RGL1: variants seen among roughly 807,000 people sequenced by gnomAD.
The protein encoded by RGL1 is ral guanine nucleotide dissociation stimulator-like 1.
In RGL1, 24 loss-of-function variants were observed where a neutral mutation model predicts 95.2. The ratio of observed to expected loss-of-function variants is 0.25; its 90% confidence interval spans 0.18 to 0.35. The LOEUF is 0.35. Ranked by LOEUF, RGL1 falls within the 10% of genes least tolerant of loss-of-function variation. The pLI is 1.00. For missense variants in RGL1, 715 were observed against 936.3 expected (o/e 0.76, Z 3.08); for synonymous variants, 329 against 344.9 (o/e 0.95, Z 0.51).
intron 3 of RGL1, among the ~76,000 whole-genome samples, chr1:183,850,811 C>A (rs961232837): frequency 6.6e-6 from 1 of 152,114 alleles, no homozygotes. Context: ...TGTTGGCAGG[C>A]AGTATGAATT....
At chr1:183,636,313 T>C (rs1357218386) in exon 1 of RGL1, 2 of 396,240 alleles carry the variant, frequency 5.0e-6, no homozygotes, top group East Asian at 7.2e-5. Context: ...ATCGTTCTAA[T>C]TGCCGGAGAC....
rs1246567486 is a variant in RGL1 at position 183,805,305 on chromosome 1, T to C, written c.8T>C (p.Leu3Ser). The change falls in exon 1 of 18, where the codon TTG (leucine) becomes TCG (serine). Residue 3 changes from leucine to serine, a missense_variant. Leu to Ser is a moderately radical substitution (Grantham distance 145, BLOSUM62 -2). Transcript: ENST00000360851. The part of the protein sequence containing the change: MK[L>S]LWQAKMSSIQ... Reference sequence around the variant, plus strand: ...CCGGAGAGAAAACTGAGAATGAAATTGCTTTGGCAAGCTAAAATGGTAACG... The same window carrying C: ...CCGGAGAGAAAACTGAGAATGAAATCGCTTTGGCAAGCTAAAATGGTAACG... 6.2e-7 allele frequency: 1 copy of C among 1,611,992 alleles called. No individual in the cohort carries two copies. The highest frequency in any genetic ancestry group is 8.5e-7 in the Non-Finnish European group (1 of 1,179,614).
chr1:183,684,473 C>T (rs1473287483), intron 1 of RGL1, among the ~76,000 whole-genome samples: 1 of 152,208 alleles, frequency 6.6e-6, no homozygotes, highest in East Asian at 1.9e-4. Flanking sequence ...CGACTCCAGA[C>T]TGCTGTGCTG....
chr1:183,887,138 C>T (rs1046755613), intron 7 of RGL1, among the ~76,000 whole-genome samples: 2 of 63,766 alleles, frequency 3.1e-5, no homozygotes, highest in Non-Finnish European at 6.8e-5. Context: ...CAGAACATTT[C>T]TCTTGTTCTC....
chr1:183,770,353 C>T (rs1213636803), intron 2 of RGL1, among the ~76,000 whole-genome samples: 2 of 152,044 alleles, frequency 1.3e-5, no homozygotes, highest in African/African-American at 4.8e-5. Context: ...GACTGAAACC[C>T]ATCTCTGGCC....
At position 183,912,101 on chromosome 1, in the gene RGL1, A is replaced by C. The variant is rs756704886; in HGVS notation, c.1582A>C (p.Met528Leu). 5 of 1,613,906 alleles carry C rather than the reference A, an allele frequency of 3.1e-6. No homozygotes were observed. The Admixed American group carries it at 6.7e-5, about 22-fold the overall frequency. ...RLSLLFLGSD[M>L]ITSPTPTKEQ... ...TTCCAGACTGTTTCTAGGGTCTGACATGATCACCAGTCCCACTCCCACCAA... is the reference window on the plus strand; with the variant it reads ...TTCCAGACTGTTTCTAGGGTCTGACCTGATCACCAGTCCCACTCCCACCAA... The change falls in exon 15 of 18, where the codon ATG (methionine) becomes CTG (leucine). Residue 528 changes from methionine to leucine, a missense_variant. Physicochemically the swap from Met to Leu is conservative, Grantham distance 15 (BLOSUM62 2). Around this residue, in one of 3 missense-constraint regions of RGL1, gnomAD observed 330 missense variants for 429.6 expected, o/e 0.77. Coordinates refer to ENST00000360851, the MANE Select transcript of RGL1 (RefSeq NM_001297671.3).
intron 1 of RGL1, among the ~76,000 whole-genome samples, chr1:183,715,433 C>T (rs987830759): frequency 5.3e-5 from 8 of 152,102 alleles, no homozygotes; most frequent in African/African-American, 1.7e-4. Context: ...GATTTTCACA[C>T]GTCTGTCTCC....
chr1:183,824,760 T>C (rs1662735507), intron 2 of RGL1, among the ~76,000 whole-genome samples: 1 of 152,224 alleles, frequency 6.6e-6, no homozygotes, highest in African/African-American at 2.4e-5. Context: ...CCTTGATCTC[T>C]TTAGGTGCTT....
intron 3 of RGL1, among the ~76,000 whole-genome samples, chr1:183,850,666 T>TA (rs1424343975): frequency 6.6e-6 from 1 of 152,212 alleles, no homozygotes; most frequent in Admixed American, 6.5e-5. Flanking sequence ...GCCTGGAATA[T>TA]AAACTTGGAT....
At chr1:183,835,139 T>C (rs1663549937) in intron 2 of RGL1, among the ~76,000 whole-genome samples, 1 of 151,608 alleles carries the variant, frequency 6.6e-6, no homozygotes, top group African/African-American at 2.4e-5. Context: ...GTAAACAAAA[T>C]GTTTGCTTTC....
At chr1:183,799,134 C>G (rs1021164086) in intron 2 of RGL1, among the ~76,000 whole-genome samples, 17 of 151,794 alleles carry the variant, frequency 1.1e-4, no homozygotes, top group African/African-American at 4.1e-4. Context: ...GATCTCCCAA[C>G]CTCGTGATCT....
At chr1:183,874,784 A>G (rs537424560) in intron 4 of RGL1, among the ~76,000 whole-genome samples, 2 of 152,336 alleles carry the variant, frequency 1.3e-5, no homozygotes, top group South Asian at 4.1e-4. Flanking sequence ...AAAGCTTTGT[A>G]TCTTTCTTTG....
chr1:183,646,246 C>T (rs1374716281), intron 1 of RGL1, among the ~76,000 whole-genome samples: 5 of 152,098 alleles, frequency 3.3e-5, no homozygotes, highest in Admixed American at 1.3e-4. Flanking sequence ...CCAGTAATTC[C>T]ATTAAAATTT....
At chr1:183,774,026 C>T (rs1659450346) in intron 2 of RGL1, among the ~76,000 whole-genome samples, 1 of 152,014 alleles carries the variant, frequency 6.6e-6, no homozygotes, top group Non-Finnish European at 1.5e-5. Flanking sequence ...GTTCAAACTG[C>T]TGACAGTATT....
intron 1 of RGL1, among the ~76,000 whole-genome samples, chr1:183,703,440 A>T (rs1391057442): frequency 3.9e-5 from 6 of 152,192 alleles, no homozygotes; most frequent in Non-Finnish European, 5.9e-5. Context: ...GAGCCCAGTG[A>T]TGAAGATTAC....
chr1:183,884,706 T>C lies in RGL1; in HGVS notation c.736-17T>C, dbSNP rs779533126. 1 of 1,610,518 alleles carries C rather than the reference T, an allele frequency of 6.2e-7. No homozygotes were observed. Among genetic ancestry groups the C allele is most frequent in the Admixed American group, 1.7e-5 (1 of 59,996 alleles). On this transcript the variant is annotated splice_polypyrimidine_tract_variant and intron_variant, in intron 6 of 17. Transcript: ENST00000360851. ...ATGTCTGTGTTGTCCTTAAAGTCAGTTCCTCTTTTGTTCCAGCAACTCTTC... is the reference window on the plus strand; with the variant it reads ...ATGTCTGTGTTGTCCTTAAAGTCAGCTCCTCTTTTGTTCCAGCAACTCTTC...
At chr1:183,728,774 G>A (rs957475912) in intron 1 of RGL1, among the ~76,000 whole-genome samples, 1 of 152,110 alleles carries the variant, frequency 6.6e-6, no homozygotes, top group Non-Finnish European at 1.5e-5. Context: ...GTGTGTTATT[G>A]GCATAGTTTT....
intron 2 of RGL1, among the ~76,000 whole-genome samples, chr1:183,775,577 A>C (rs1659548659): frequency 6.6e-6 from 1 of 152,224 alleles, no homozygotes; most frequent in African/African-American, 2.4e-5. Flanking sequence ...TTTTGGATGT[A>C]AACAATTTAG....
At chr1:183,747,297 C>G (rs2102272019) in intron 2 of RGL1, among the ~76,000 whole-genome samples, 1 of 152,318 alleles carries the variant, frequency 6.6e-6, no homozygotes, top group Middle Eastern at 3.4e-3. Context: ...TCCTGTTTCT[C>G]CACATCCTCT....
Sources: gnomAD v4.1 joint callset for allele counts (sites outside exome capture counted in the v4.1 genomes callset) on GRCh38, gnomAD v4.1.1 for gene constraint, gnomAD v4.1.1 regional missense constraint, MANE v1.5 for transcripts, NCBI Gene and HGNC (gene_info 2026-07-23, HGNC 2026-07-21) for gene names.